Variants in ARID5B observed in about 807,000 individuals in gnomAD.
ARID5B encodes the protein AT-rich interactive domain-containing protein 5B.
ARID5B carries 13 observed loss-of-function variants against 97.2 expected under a neutral mutation model. That is an observed-to-expected ratio of 0.13 (90% CI 0.09 to 0.21). ARID5B has a LOEUF of 0.21. ARID5B is among the 10% of genes least tolerant of loss of function. The pLI, the probability that ARID5B is intolerant of heterozygous loss-of-function variation, is 1.00. For synonymous variants in ARID5B, 556 were observed against 570.3 expected (o/e 0.97, Z 0.36); for missense variants, 1,210 against 1,465.3 (o/e 0.83, Z 2.84).
At chr10:61,910,701 C>T (rs538958287) in intron 2 of ARID5B, among the ~76,000 whole-genome samples, 38 of 152,304 alleles carry the variant, frequency 2.5e-4, no homozygotes, top group African/African-American at 9.1e-4. Context: ...TGAAAGGGTG[C>T]TTTAGAATCA....
intron 3 of ARID5B, among the ~76,000 whole-genome samples, chr10:61,967,161 T>A (rs528599820): frequency 2.0e-5 from 3 of 152,322 alleles, no homozygotes; most frequent in South Asian, 4.1e-4. Flanking sequence ...TATCTTCCAA[T>A]GGTGTCATCT....
chr10:61,924,075 C>A (rs760568956), intron 2 of ARID5B, among the ~76,000 whole-genome samples: 19 of 152,204 alleles, frequency 1.2e-4, no homozygotes, highest in Admixed American at 9.2e-4. Flanking sequence ...TTTATTCATT[C>A]TTTCTTTAAG....
At chr10:62,086,494 G>A (rs1305610411) in intron 9 of ARID5B, among the ~76,000 whole-genome samples, 1 of 152,004 alleles carries the variant, frequency 6.6e-6, no homozygotes, top group East Asian at 1.9e-4. Flanking sequence ...AAGGTCAGGA[G>A]ATGGAGACCA....
At chr10:61,910,123 A>G (rs907878479) in intron 2 of ARID5B, among the ~76,000 whole-genome samples, 5 of 152,234 alleles carry the variant, frequency 3.3e-5, no homozygotes, top group African/African-American at 1.2e-4. Flanking sequence ...AAGCAATTAA[A>G]ACCTCTCGAC....
intron 3 of ARID5B, among the ~76,000 whole-genome samples, chr10:61,974,364 T>C (rs1838671074): frequency 6.6e-6 from 1 of 152,198 alleles, no homozygotes; most frequent in Non-Finnish European, 1.5e-5. Flanking sequence ...CTGCTATGGT[T>C]AACAATCACA....
intron 4 of ARID5B, among the ~76,000 whole-genome samples, chr10:62,024,335 CA>C (rs562304649): frequency 8.5e-5 from 13 of 152,330 alleles, no homozygotes; most frequent in Admixed American, 7.8e-4. Flanking sequence ...TTGACTAATA[CA>C]ACACCTGTTG....
At chr10:62,001,570 A>G (rs1839080334) in intron 4 of ARID5B, among the ~76,000 whole-genome samples, 1 of 152,144 alleles carries the variant, frequency 6.6e-6, no homozygotes, top group African/African-American at 2.4e-5. Flanking sequence ...CATGATTCCA[A>G]CAGCCCTGGT....
chr10:62,091,998 G>A lies in ARID5B; in HGVS notation c.2535G>A (p.Glu845=). 2 of 1,613,994 alleles carry A rather than the reference G, an allele frequency of 1.2e-6. No homozygotes were observed. Among genetic ancestry groups the A allele is most frequent in the South Asian group, 2.2e-5 (2 of 91,054 alleles). The part of the protein sequence containing the change: ...PHLHSLYRHT[E]HHLHNEQTSK... ...TCCATAGCCTCTACAGACACACCGA[G>A]CACCATCTTCATAATGAACAGACAT... The change falls in exon 10 of 10, where the codon GAG becomes GAA. Residue 845 remains glutamate, a synonymous_variant. Transcript: ENST00000279873.
intron 2 of ARID5B, among the ~76,000 whole-genome samples, chr10:61,917,361 C>T (rs1843928851): frequency 6.6e-6 from 1 of 152,116 alleles, no homozygotes; most frequent in Admixed American, 6.5e-5. Context: ...GAGTCTCGCT[C>T]TGTCGCCCAG....
At chr10:61,946,138 C>G (rs932716030) in intron 3 of ARID5B, among the ~76,000 whole-genome samples, 5 of 150,618 alleles carry the variant, frequency 3.3e-5, no homozygotes, top group African/African-American at 1.2e-4. Flanking sequence ...ATAAACTGAG[C>G]CATAAGTGGC....
At chr10:62,078,925 T>C (rs2132967378) in intron 8 of ARID5B, among the ~76,000 whole-genome samples, 1 of 152,348 alleles carries the variant, frequency 6.6e-6, no homozygotes, top group South Asian at 2.1e-4. Flanking sequence ...ATCCAACTAG[T>C]ATCACTACCT....
chr10:61,934,702 A>G (rs534124644), intron 2 of ARID5B, among the ~76,000 whole-genome samples: 1 of 152,272 alleles, frequency 6.6e-6, no homozygotes, highest in African/African-American at 2.4e-5. Context: ...TCTCCAAACA[A>G]TTACAATAGT....
intron 1 of ARID5B, 95 bp downstream of exon 1, chr10:61,901,825 C>T (rs1843619925): frequency 6.8e-6 from 7 of 1,027,024 alleles, no homozygotes; most frequent in Non-Finnish European, 1.0e-5. Flanking sequence ...CCACACCCCC[C>T]ACAAACTTTT....
intron 4 of ARID5B, among the ~76,000 whole-genome samples, chr10:62,005,284 G>T (rs929762592): frequency 4.0e-5 from 6 of 151,678 alleles, no homozygotes; most frequent in South Asian, 2.1e-4. Flanking sequence ...TATGCCTCTG[G>T]GCAAGTGACA....
At chr10:61,982,276 TA>T (rs1293882413) in intron 3 of ARID5B, among the ~76,000 whole-genome samples, 1 of 152,116 alleles carries the variant, frequency 6.6e-6, no homozygotes, top group Non-Finnish European at 1.5e-5. Flanking sequence ...GGTGATTTTT[TA>T]AAAAAAGTCA....
chr10:61,957,264 C>T (rs1564612910), intron 3 of ARID5B, among the ~76,000 whole-genome samples: 2 of 152,094 alleles, frequency 1.3e-5, no homozygotes, highest in East Asian at 1.9e-4. Context: ...ACTTTATTGT[C>T]TTGTTTTTTT....
chr10:61,966,236 A>G (rs1838543483), intron 3 of ARID5B, among the ~76,000 whole-genome samples: 1 of 152,160 alleles, frequency 6.6e-6, no homozygotes, highest in South Asian at 2.1e-4. Flanking sequence ...CATCCTAAAT[A>G]TATGCATGAT....
Position 62,085,178 on chromosome 10 carries a change from A to G in ARID5B, c.1200-524A>G, listed in dbSNP as rs551704692. Among the ~76,000 whole-genome samples, 10 of 152,368 alleles carry G rather than the reference A, an allele frequency of 6.6e-5. No homozygotes were observed. In the East Asian group the frequency reaches 1.9e-3, roughly 29 times the overall value. On this transcript the variant is annotated intron_variant, in intron 8 of 9. Transcript: ENST00000279873. ...AAAAAGAGAATAATAATAATACTCCATAGGGATATTGTGGAGTTTACATAA... is the reference window on the plus strand; with the variant it reads ...AAAAAGAGAATAATAATAATACTCCGTAGGGATATTGTGGAGTTTACATAA...
intron 4 of ARID5B, among the ~76,000 whole-genome samples, chr10:62,008,407 C>T (rs895569802): frequency 6.6e-6 from 1 of 152,206 alleles, no homozygotes; most frequent in Non-Finnish European, 1.5e-5. Flanking sequence ...AAAGAGCTCT[C>T]AGACTTCCTG....
Sources: allele counts gnomAD v4.1 joint callset (sites outside exome capture counted in the v4.1 genomes callset), GRCh38; gene constraint gnomAD v4.1.1; transcripts MANE v1.5; gene names NCBI Gene and HGNC (gene_info 2026-07-23, HGNC 2026-07-21).